ZNF536: variants seen among roughly 807,000 people sequenced by gnomAD.
The protein encoded by ZNF536 is zinc finger protein 536.
Under a neutral mutation model 84.5 loss-of-function variants are expected in ZNF536, and 13 were observed. The observed-to-expected ratio is 0.15, with a 90% CI of 0.10 to 0.24. ZNF536 has a LOEUF of 0.24. Among genes scored for constraint, ZNF536 ranks in the 10% least tolerant of loss-of-function variants. The probability of loss-of-function intolerance (pLI) is 1.00; values close to 1 mark genes in which losing one functional copy is unlikely to be tolerated. For synonymous variants in ZNF536, 811 were observed against 742.5 expected, an observed-to-expected ratio of 1.09 and a Z score of -1.50; for missense variants, 1,536 against 1,747.5, an observed-to-expected ratio of 0.88 and a Z score of 2.16.
chr19:30,265,661 G>A (rs954367315), intron 1 of ZNF536, among the ~76,000 whole-genome samples: 2 of 152,176 alleles, frequency 1.3e-5, no homozygotes, highest in Admixed American at 1.3e-4. Flanking sequence ...AGGGGAGACA[G>A]GCTAGGACTA....
chr19:30,580,713 G>T (rs1312842842), intron 1 of ZNF536, among the ~76,000 whole-genome samples: 1 of 152,210 alleles, frequency 6.6e-6, no homozygotes, highest in East Asian at 1.9e-4. Flanking sequence ...GAAACAATAG[G>T]GTCTCGAGGA....
At chr19:30,639,227 G>T (rs1047302629) in intron 1 of ZNF536, among the ~76,000 whole-genome samples, 3 of 152,162 alleles carry the variant, frequency 2.0e-5, no homozygotes, top group Non-Finnish European at 4.4e-5. Flanking sequence ...AATGTAATGT[G>T]AACCACCCAC....
intron 2 of ZNF536, among the ~76,000 whole-genome samples, chr19:30,286,129 C>T (rs7257017): frequency 0.35 from 52,702 of 152,062 alleles, 10,712 homozygotes; most frequent in Non-Finnish European, 0.46. Context: ...TGAATCTTAG[C>T]GTCTTCCACT....
chr19:30,625,460 T>C (rs2048640579), intron 1 of ZNF536, among the ~76,000 whole-genome samples: 1 of 152,246 alleles, frequency 6.6e-6, no homozygotes, highest in South Asian at 2.1e-4. Context: ...GAACTACCAT[T>C]TATGAAATTA....
chr19:30,418,459 C>T (rs936566421), intron 1 of ZNF536, among the ~76,000 whole-genome samples: 10 of 152,308 alleles, frequency 6.6e-5, no homozygotes, highest in Middle Eastern at 3.4e-3. Flanking sequence ...TTGAATTTAA[C>T]AGAAATATTT....
Position 30,444,232 on chromosome 19 carries a change from C to G in ZNF536, c.670C>G (p.Leu224Val), listed in dbSNP as rs2052203967. Residue 224 changes from leucine to valine, a missense_variant, in exon 2 of 5, where the codon CTG becomes GTG. Around this residue, in one of 8 missense-constraint regions of ZNF536, gnomAD observed 138 missense variants for 136.8 expected, o/e 1.01. Coordinates refer to ENST00000355537, the MANE Select transcript of ZNF536 (RefSeq NM_014717.3). ...CAGCCTGCTGCAGCCCCGGCCGGAC[C>G]TGAAGCCCCCGCCGCACGCCCAGCA... is the stretch of plus-strand genomic sequence containing the variant. ...KGSLLQPRPD[L>V]KPPPHAQQAP... The G allele has an allele frequency of 6.5e-7, 1 of 1,544,416 alleles. No homozygotes were observed.
At chr19:30,532,289 C>T (rs376395093) in intron 2 of ZNF536, among the ~76,000 whole-genome samples, 4 of 152,206 alleles carry the variant, frequency 2.6e-5, no homozygotes, top group African/African-American at 9.6e-5. Flanking sequence ...ATCACTACCA[C>T]CTGGCTAGTT....
Position 30,549,253 on chromosome 19 carries a change from A to G in ZNF536, c.3634A>G (p.Thr1212Ala), listed in dbSNP as rs2045680744. 1 of 1,613,826 alleles carries G rather than the reference A, an allele frequency of 6.2e-7. No individual in the cohort carries two copies. Among genetic ancestry groups the G allele is most frequent in the Non-Finnish European group, 8.5e-7 (1 of 1,180,064 alleles). ...SSDGGDSLQP[T>A]GTSQPVQGLV... ...CGATGGCGGGGACAGCCTGCAGCCC[A>G]CAGGCACCTCCCAGCCCGTCCAGGG... is the stretch of plus-strand genomic sequence containing the variant. The change falls in exon 4 of 5, where the codon ACA becomes GCA. Residue 1212 changes from threonine to alanine, a missense_variant. This residue lies in a region of ZNF536 where 624 missense variants were observed against 603.1 expected (regional missense o/e 1.03). Transcript: ENST00000355537.
intron 3 of ZNF536, among the ~76,000 whole-genome samples, chr19:30,540,623 C>T (rs1032014066): frequency 1.3e-5 from 2 of 152,226 alleles, no homozygotes; most frequent in Non-Finnish European, 2.9e-5. Flanking sequence ...GTTATCCCAT[C>T]CCGGAGTTGT....
At chr19:30,522,777 TG>T (rs2044412476) in intron 2 of ZNF536, among the ~76,000 whole-genome samples, 2 of 152,304 alleles carry the variant, frequency 1.3e-5, no homozygotes, top group South Asian at 4.2e-4. Flanking sequence ...AAATTACTCT[TG>T]GAGGGGCTTT....
intron 4 of ZNF536, among the ~76,000 whole-genome samples, chr19:30,553,214 G>C (rs1052353448): frequency 6.6e-6 from 1 of 152,210 alleles, no homozygotes; most frequent in Non-Finnish European, 1.5e-5. Flanking sequence ...CCAGAGCAGT[G>C]TTTGCATCCA....
intron 1 of ZNF536, among the ~76,000 whole-genome samples, chr19:30,602,344 G>A (rs1416885790): frequency 6.6e-6 from 1 of 152,196 alleles, no homozygotes; most frequent in East Asian, 1.9e-4. Context: ...TGAAGCTGGT[G>A]GAGATTATAT....
intron 1 of ZNF536, among the ~76,000 whole-genome samples, chr19:30,402,446 C>T (rs529101368): frequency 2.6e-5 from 4 of 152,178 alleles, no homozygotes; most frequent in African/African-American, 9.6e-5. Flanking sequence ...CAGCATAATA[C>T]TTCTAAGGCA....
At chr19:30,436,550 T>C in intron 1 of ZNF536, 2 of 980,580 alleles carry the variant, frequency 2.0e-6, no homozygotes, top group Non-Finnish European at 2.4e-6. Context: ...TTTATTTTTG[T>C]AATAATGTTT....
intron 1 of ZNF536, among the ~76,000 whole-genome samples, chr19:30,656,555 G>A (rs1383143474): frequency 6.6e-6 from 1 of 152,194 alleles, no homozygotes. Context: ...TACAACCGGA[G>A]CAGTGAGGTT....
intron 3 of ZNF536, among the ~76,000 whole-genome samples, chr19:30,358,713 C>T (rs1025427640): frequency 2.0e-5 from 3 of 152,224 alleles, no homozygotes; most frequent in Non-Finnish European, 4.4e-5. Context: ...TGCAATCAGG[C>T]CAGGACGCTG....
At chr19:30,499,798 C>A (rs73022871) in intron 2 of ZNF536, among the ~76,000 whole-genome samples, 1 of 152,142 alleles carries the variant, frequency 6.6e-6, no homozygotes, top group Non-Finnish European at 1.5e-5. Flanking sequence ...ACTCATATTC[C>A]TCTTAGCCTT....
At chr19:30,517,285 T>G (rs574037147) in intron 2 of ZNF536, among the ~76,000 whole-genome samples, 1 of 152,314 alleles carries the variant, frequency 6.6e-6, no homozygotes, top group African/African-American at 2.4e-5. Flanking sequence ...GTCTGGAGGC[T>G]TCTGCCTTAT....
At chr19:30,360,216 G>T (rs531782473) in intron 3 of ZNF536, among the ~76,000 whole-genome samples, 1 of 152,326 alleles carries the variant, frequency 6.6e-6, no homozygotes, top group East Asian at 1.9e-4. Context: ...GGGTCGGCTC[G>T]GCTCTGGGCC....
Sources: gnomAD v4.1 joint callset for allele counts (sites outside exome capture counted in the v4.1 genomes callset) on GRCh38, gnomAD v4.1.1 for gene constraint, gnomAD v4.1.1 regional missense constraint, MANE v1.5 for transcripts, NCBI Gene and HGNC (gene_info 2026-07-23, HGNC 2026-07-21) for gene names.